The following NSRP1 variants were observed in gnomAD, a reference collection of about 807,000 sequenced individuals.
NSRP1 encodes nuclear speckle splicing regulatory protein 1.
In NSRP1, 24 loss-of-function variants were observed where a neutral mutation model predicts 54.7. The observed-to-expected ratio is 0.44, with a 90% CI of 0.32 to 0.62. NSRP1 has a LOEUF of 0.62. NSRP1 is among the 20% of genes least tolerant of loss of function. The pLI is 0.06. For synonymous variants in NSRP1, 210 were observed against 213.8 expected, an observed-to-expected ratio of 0.98 and a Z score of 0.15; for missense variants, 596 against 651.2, an observed-to-expected ratio of 0.92 and a Z score of 0.92.
chr17:30,139,940 G>C (rs930812079), intron 2 of NSRP1, among the ~76,000 whole-genome samples: 7 of 152,134 alleles, frequency 4.6e-5, no homozygotes, highest in Non-Finnish European at 8.8e-5. Context: ...AGGAGAATGG[G>C]GTGAACCCGG....
At chr17:30,123,689 T>C (rs770476377) in intron 2 of NSRP1, among the ~76,000 whole-genome samples, 1 of 152,214 alleles carries the variant, frequency 6.6e-6, no homozygotes, top group Admixed American at 6.5e-5. Flanking sequence ...TTTGTTGTTT[T>C]AGTCCTTGAG....
intron 2 of NSRP1, among the ~76,000 whole-genome samples, chr17:30,147,473 T>G (rs2071867074): frequency 6.6e-6 from 1 of 151,362 alleles, no homozygotes; most frequent in African/African-American, 2.4e-5. Flanking sequence ...TGTTTTGTTT[T>G]GTTTTGTTTG....
At chr17:30,142,041 T>C (rs2071810352) in intron 2 of NSRP1, among the ~76,000 whole-genome samples, 1 of 152,216 alleles carries the variant, frequency 6.6e-6, no homozygotes, top group African/African-American at 2.4e-5. Flanking sequence ...AGGTGGGGCA[T>C]GCTCTCTTTG....
chr17:30,135,084 G>C (rs1190442071), intron 2 of NSRP1, among the ~76,000 whole-genome samples: 2 of 151,976 alleles, frequency 1.3e-5, no homozygotes, highest in Admixed American at 6.6e-5. Flanking sequence ...GAAATTTGTG[G>C]AGTGGCTTTT....
chr17:30,126,287 A>T (rs141416073), intron 2 of NSRP1, among the ~76,000 whole-genome samples: 162 of 152,346 alleles, frequency 1.1e-3, no homozygotes, highest in African/African-American at 3.6e-3. Flanking sequence ...CATAAAAAGT[A>T]CACTGTCGTG....
At chr17:30,148,550 A>G (rs1475472435) in intron 2 of NSRP1, among the ~76,000 whole-genome samples, 1 of 152,322 alleles carries the variant, frequency 6.6e-6, no homozygotes, top group African/African-American at 2.4e-5. Flanking sequence ...AGCCTGGTTC[A>G]GAGTCTTTAT....
chr17:30,163,325 G>A (rs918285247), intron 2 of NSRP1, among the ~76,000 whole-genome samples: 5 of 149,362 alleles, frequency 3.3e-5, no homozygotes, highest in South Asian at 2.1e-4. Context: ...CACCCTCCTC[G>A]GCCTCCCAGA....
At chr17:30,152,620 T>C (rs2071922945) in intron 2 of NSRP1, among the ~76,000 whole-genome samples, 1 of 152,076 alleles carries the variant, frequency 6.6e-6, no homozygotes, top group Non-Finnish European at 1.5e-5. Flanking sequence ...AACTTCATTC[T>C]TTTGCATATG....
At chr17:30,170,000 T>C (rs1297383371) in intron 2 of NSRP1, among the ~76,000 whole-genome samples, 3 of 152,130 alleles carry the variant, frequency 2.0e-5, no homozygotes, top group African/African-American at 7.2e-5. Context: ...GACTTCGTTT[T>C]TTTTTAAACA....
intron 2 of NSRP1, among the ~76,000 whole-genome samples, chr17:30,126,549 A>G (rs1255537394): frequency 1.3e-5 from 2 of 152,310 alleles, no homozygotes; most frequent in South Asian, 2.1e-4. Flanking sequence ...TACTAGATAA[A>G]GTATGAGCTC....
intron 2 of NSRP1, 150 bp downstream of exon 2, chr17:30,118,323 C>T: frequency 1.8e-6 from 1 of 555,468 alleles, no homozygotes; most frequent in Non-Finnish European, 3.1e-6. Context: ...GTAAAGAAAG[C>T]AGCTCCACCG....
chr17:30,177,313 A>C (rs1464347945), intron 3 of NSRP1, among the ~76,000 whole-genome samples: 2 of 152,048 alleles, frequency 1.3e-5, no homozygotes, highest in Non-Finnish European at 2.9e-5. Flanking sequence ...CAGAGGTTGC[A>C]GTGAGCCAAG....
chr17:30,131,370 A>G (rs2071697929), intron 2 of NSRP1, among the ~76,000 whole-genome samples: 1 of 151,900 alleles, frequency 6.6e-6, no homozygotes. Context: ...AGAGATGGAA[A>G]TGATAGTTCA....
rs1401108241 is a variant in NSRP1, at chr17:30,184,763, G to A, written c.766G>A (p.Ala256Thr). The A allele has an allele frequency of 6.2e-7, 1 of 1,614,098 alleles. No individual in the cohort carries two copies. Among genetic ancestry groups the A allele is most frequent in the Non-Finnish European group, 8.5e-7 (1 of 1,180,000 alleles). The change falls in exon 7 of 7, where the codon GCG (alanine) becomes ACG (threonine). Residue 256 changes from alanine to threonine, a missense_variant. Ala to Thr is a moderately conservative substitution (Grantham distance 58). Coordinates refer to ENST00000247026, the MANE Select transcript of NSRP1 (RefSeq NM_032141.4). ...CAGTGACTTCGATGCTAAGAGCAGT[G>A]CGGATGATGAAATAGAAGAAACTAG... Reference protein sequence around the residue: ...ADSDFDAKSSADDEIEETRVN... With the variant: ...ADSDFDAKSSTDDEIEETRVN...
At chr17:30,153,168 C>T (rs1378129014) in intron 2 of NSRP1, among the ~76,000 whole-genome samples, 1 of 152,082 alleles carries the variant, frequency 6.6e-6, no homozygotes, top group Non-Finnish European at 1.5e-5. Context: ...CTGCCTGCCT[C>T]AGCTTCCCAA....
At chr17:30,142,667 A>T (rs1032386878) in intron 2 of NSRP1, among the ~76,000 whole-genome samples, 1 of 152,238 alleles carries the variant, frequency 6.6e-6, no homozygotes, top group Non-Finnish European at 1.5e-5. Flanking sequence ...CATAACACAG[A>T]AGTGCAATAA....
intron 3 of NSRP1, among the ~76,000 whole-genome samples, chr17:30,173,597 C>G (rs955773071): frequency 1.3e-5 from 2 of 152,236 alleles, no homozygotes; most frequent in Admixed American, 1.3e-4. Context: ...AACTGGAAAC[C>G]TGCATAAAGA....
intron 2 of NSRP1, among the ~76,000 whole-genome samples, chr17:30,126,887 G>T (rs2151877684): frequency 1.3e-5 from 2 of 152,330 alleles, no homozygotes; most frequent in Middle Eastern, 3.4e-3. Context: ...ACCATGCCTG[G>T]CCTAGGCTAG....
At chr17:30,119,331 C>T (rs2071576022) in intron 2 of NSRP1, among the ~76,000 whole-genome samples, 1 of 151,966 alleles carries the variant, frequency 6.6e-6, no homozygotes, top group Non-Finnish European at 1.5e-5. Context: ...CCTGCCTCAG[C>T]CTCCTGAGTA....
Sources: gnomAD v4.1 joint callset for allele counts (sites outside exome capture counted in the v4.1 genomes callset) on GRCh38, gnomAD v4.1.1 for gene constraint, MANE v1.5 for transcripts, NCBI Gene and HGNC (gene_info 2026-07-23, HGNC 2026-07-21) for gene names.